LAMA5: variants seen among roughly 807,000 people sequenced by gnomAD.
LAMA5 encodes laminin subunit alpha-5.
A neutral mutation model predicts 433.4 loss-of-function variants in LAMA5; 260 were observed. The ratio of observed to expected loss-of-function variants is 0.60; its 90% CI spans 0.54 to 0.66. The LOEUF is 0.66. LAMA5 is among the 30% of genes least tolerant of loss of function. The pLI is 0.00. For synonymous variants in LAMA5, 2,620 were observed against 2,226.6 expected (o/e 1.18, Z -4.97); for missense variants, 5,378 against 5,258.5 (o/e 1.02, Z -0.70).
chr20:62,319,761 A>G lies in LAMA5; in HGVS notation c.6794T>C (p.Leu2265Pro). The change falls in exon 51 of 80, where the codon CTG becomes CCG. Residue 2265 changes from leucine (L) to proline (P), a missense_variant. Leu to Pro is a moderately conservative substitution (Grantham distance 98). Coordinates refer to ENST00000252999, the MANE Select transcript of LAMA5 (RefSeq NM_005560.6). ...GCCCAGTGTGGCCTCGGTGCCGGCC[A>G]GCAATTGGCTCGCCTGGTCTCGGGT... is the stretch of plus-strand genomic sequence containing the variant. ...VGTRDQASQL[L>P]AGTEATLGHA... The G allele has an allele frequency of 1.9e-6, 3 of 1,548,666 alleles. No homozygotes were observed. Among genetic ancestry groups the G allele is most frequent in the South Asian group, 1.2e-5 (1 of 84,126 alleles).
rs1300004270 is a variant in LAMA5, at chr20:62,310,981, A to T, written c.10202T>A (p.Phe3401Tyr). 4.3e-6 allele frequency: 7 copies of T among 1,611,630 alleles called. No individual in the cohort carries two copies. Among genetic ancestry groups the T allele is most frequent in the Non-Finnish European group, 5.1e-6 (6 of 1,179,528 alleles). The change falls in exon 74 of 80, where the codon TTC (phenylalanine) becomes TAC (tyrosine). Residue 3401 changes from phenylalanine to tyrosine, a missense_variant. Transcript: ENST00000252999. ...SLALFLSNGH[F>Y]VAQMEGLGTR... Reference sequence around the variant, plus strand: ...CCCGAGGCCTTCCATCTGTGCAACGAAGTGGCCATTGCTCAGGAAGAGCGC... The same window carrying T: ...CCCGAGGCCTTCCATCTGTGCAACGTAGTGGCCATTGCTCAGGAAGAGCGC...
Position 62,334,354 on chromosome 20 carries a change from A to G in LAMA5, c.2583-12T>C. 6.3e-7 allele frequency: 1 copy of G among 1,586,916 alleles called. No individual in the cohort carries two copies. Among genetic ancestry groups the G allele is most frequent in the Non-Finnish European group, 8.6e-7 (1 of 1,167,326 alleles). On this transcript the variant is annotated splice_polypyrimidine_tract_variant and intron_variant, in intron 21 of 79. Coordinates refer to ENST00000252999, the MANE Select transcript of LAMA5 (RefSeq NM_005560.6). ...GGTCCCTCGCAGGCCTGGCCACAGC[A>G]GGGGCTGGTCAGGTGCAGCTTGGCC...
At position 62,310,657 on chromosome 20, in the gene LAMA5, G is replaced by T. The variant is rs751420675; in HGVS notation, c.10446+8C>A. 1.2e-6 allele frequency: 2 copies of T among 1,601,332 alleles called. No individual in the cohort carries two copies. The highest frequency in any genetic ancestry group is 1.1e-5 in the South Asian group (1 of 90,074). ...GGGGAGTGGGGGCTGGGGCAAGATG[G>T]TTCTCACCGGAAGTTTGGAGCTGTG... On this transcript the variant is annotated splice_region_variant and intron_variant, in intron 75 of 79. Coordinates refer to ENST00000252999, the MANE Select transcript of LAMA5 (RefSeq NM_005560.6).
In LAMA5 at chr20:62,345,848, C is replaced by T; in HGVS notation, c.1447G>A (p.Glu483Lys). Reference sequence around the variant, plus strand: ...ATCTGGCCGGCTGGCAGCACCTGCTCCCTGGTGTCATTGGAGGACGAGGGC... The same window carrying T: ...ATCTGGCCGGCTGGCAGCACCTGCTTCCTGGTGTCATTGGAGGACGAGGGC... ...PTPSSSNDTR[E>K]QVLPAGQIVN... is the part of the protein sequence containing the mutation. The change falls in exon 11 of 80, where the codon GAG (glutamate) becomes AAG (lysine). Residue 483 changes from glutamate to lysine, a missense_variant. By Grantham distance (56) the Glu-to-Lys change is moderately conservative. Coordinates refer to ENST00000252999, the MANE Select transcript of LAMA5 (RefSeq NM_005560.6). 6.4e-7 allele frequency: 1 copy of T among 1,552,600 alleles called. No homozygotes were observed. Among genetic ancestry groups the T allele is most frequent in the Non-Finnish European group, 8.7e-7 (1 of 1,147,904 alleles).
chr20:62,343,025 C>T (rs1205689980), intron 11 of LAMA5, among the ~76,000 whole-genome samples: 2 of 152,194 alleles, frequency 1.3e-5, no homozygotes, highest in East Asian at 3.8e-4. Flanking sequence ...TGTCAGTTTA[C>T]ACCAGGGATT....
chr20:62,326,531 G>C lies in LAMA5; in HGVS notation c.5298+146C>G, dbSNP rs1979320100. 4.8e-6 allele frequency: 3 copies of C among 630,570 alleles called. No homozygotes were observed. In the Admixed American group the frequency reaches 8.2e-5, roughly 17 times the overall value. The allele number at this position is 630,570 out of a possible 1,614,324, so 39.1% of individuals were successfully genotyped here. On this transcript the variant is annotated intron_variant, in intron 40 of 79. Transcript: ENST00000252999. ...AGAAGATATCTGACAATGGGTGTGG[G>C]GACCTCCCCAGCCCCCACCCCGCTT...
rs767977705 is a variant in LAMA5, at chr20:62,328,843, C to T, written c.4447+1G>A. 3 of 1,611,068 alleles carry T rather than the reference C, an allele frequency of 1.9e-6. No individual in the cohort carries two copies. The highest frequency in any genetic ancestry group is 1.1e-5 in the South Asian group (1 of 90,858). On this transcript the variant is annotated splice_donor_variant, in intron 34 of 79. Coordinates refer to ENST00000252999, the MANE Select transcript of LAMA5 (RefSeq NM_005560.6). LOFTEE classifies it high-confidence loss of function. ...GGGCGCCCAAGGACTGGGGTACTCACGCCTGCAGTTGGGGAAGCCCCAGTA... is the reference window on the plus strand; with the variant it reads ...GGGCGCCCAAGGACTGGGGTACTCATGCCTGCAGTTGGGGAAGCCCCAGTA...
chr20:62,363,429 C>T (rs577572440), intron 1 of LAMA5, among the ~76,000 whole-genome samples: 13 of 152,280 alleles, frequency 8.5e-5, no homozygotes, highest in Admixed American at 3.3e-4. Flanking sequence ...GCTTCTGTCC[C>T]GGGCCTGCCA....
In LAMA5 at chr20:62,322,001, G is replaced by C. The variant is rs577510240; in HGVS notation, c.6496+18C>G. ...CCTACTCCATCAGGTGTGGGGAAGT[G>C]GGGTGTTGAGGACACACCTTCACAG... On this transcript the variant is annotated intron_variant, in intron 48 of 79. Transcript: ENST00000252999. 1 of 1,594,770 alleles carries C rather than the reference G, an allele frequency of 6.3e-7. No individual in the cohort carries two copies. Among genetic ancestry groups the C allele is most frequent in the Middle Eastern group, 1.7e-4 (1 of 6,050 alleles).
At position 62,346,695 on chromosome 20, in the gene LAMA5, C is replaced by T. The variant is rs374364843; in HGVS notation, c.1178G>A (p.Cys393Tyr). ...AGCCCAGCCCACCTGGCAGTCGATA[C>T]AGACACCCCCACCCTGATAGGTGCC... ...LDGTYQGGGV[C>Y]IDCQHHTTGV... Residue 393 changes from cysteine to tyrosine, a missense_variant, in exon 8 of 80, where the codon TGT becomes TAT. Coordinates refer to ENST00000252999, the MANE Select transcript of LAMA5 (RefSeq NM_005560.6). 4 of 1,613,140 alleles carry T rather than the reference C, an allele frequency of 2.5e-6. No homozygotes were observed. In the African/African-American group the frequency reaches 4.0e-5, roughly 16 times the overall value.
intron 2 of LAMA5, among the ~76,000 whole-genome samples, chr20:62,357,582 G>A (rs1218619444): frequency 1.3e-5 from 2 of 152,298 alleles, no homozygotes; most frequent in East Asian, 3.9e-4. Context: ...TCAGGGGTCC[G>A]GAAACGTGCC....
chr20:62,314,922 G>C lies in LAMA5; in HGVS notation c.8073C>G (p.Pro2691=). The C allele has an allele frequency of 1.9e-6, 3 of 1,606,086 alleles. No individual in the cohort carries two copies. Among genetic ancestry groups the C allele is most frequent in the Non-Finnish European group, 2.5e-6 (3 of 1,178,446 alleles). ...GGATGCTCAGCTTGGCCAGCAGCTG[G>C]GGCAGCGTCTTCTCCAGGGTGGACA... ...HSVSTLEKTL[P]QLLAKLSILE... The change falls in exon 60 of 80, where the codon CCC becomes CCG. Residue 2691 remains proline (P), a synonymous_variant. Transcript: ENST00000252999.
chr20:62,352,684 G>A (rs997592895), intron 3 of LAMA5, among the ~76,000 whole-genome samples: 1 of 152,182 alleles, frequency 6.6e-6, no homozygotes, highest in Non-Finnish European at 1.5e-5. Context: ...TGGGGGACAC[G>A]TGACCAGGCC....
At chr20:62,309,593 GGTA>G in intron 79 of LAMA5, 118 bp from the exon 80 acceptor site, 1 of 460,702 alleles carries the variant, frequency 2.2e-6, no homozygotes, top group Non-Finnish European at 3.7e-6. Flanking sequence ...ATAGGAGGGT[GGTA>G]GGGGGGTGGG....
In LAMA5 at chr20:62,312,058, C is replaced by T. The variant is rs947901951; in HGVS notation, c.9505-8G>A. ...CACCTGGCATAGCCCATCCTGGGGA[C>T]GGCAGCCAGGTCAGCCGGCCGGCCT... On this transcript the variant is annotated splice_polypyrimidine_tract_variant and splice_region_variant and intron_variant, in intron 69 of 79. Coordinates refer to ENST00000252999, the MANE Select transcript of LAMA5 (RefSeq NM_005560.6). 8 of 1,610,558 alleles carry T rather than the reference C, an allele frequency of 5.0e-6. No individual in the cohort carries two copies. The African/African-American group carries it at 5.3e-5, about 11-fold the overall frequency.
chr20:62,309,618 A>G lies in LAMA5; in HGVS notation c.10948+98T>C, dbSNP rs1224446493. 33 of 351,596 alleles carry G rather than the reference A, an allele frequency of 9.4e-5. 2 individuals are homozygous for G. In the Admixed American group the frequency reaches 1.2e-3, roughly 13 times the overall value. 21.8% of individuals were successfully genotyped at this position (351,596 alleles called of 1,614,324 possible). A position where few individuals can be genotyped will look rare whatever the true frequency, so the allele number is the denominator to read the frequency against. ...GGTAGGGGGGTGGGAGGAGGGTGGGAGGGGGCAGGGGGTGGAGGGGTGGGG... is the reference window on the plus strand; with the variant it reads ...GGTAGGGGGGTGGGAGGAGGGTGGGGGGGGGCAGGGGGTGGAGGGGTGGGG... On this transcript the variant is annotated intron_variant, in intron 79 of 79. Transcript: ENST00000252999.
At position 62,329,929 on chromosome 20, in the gene LAMA5, G is replaced by A. The variant is rs1447148564; in HGVS notation, c.3980-13C>T. The A allele has an allele frequency of 2.5e-6, 4 of 1,609,310 alleles. No individual in the cohort carries two copies. The highest frequency in any genetic ancestry group is 2.7e-5 in the African/African-American group (2 of 75,002). On this transcript the variant is annotated splice_polypyrimidine_tract_variant and intron_variant, in intron 31 of 79. Coordinates refer to ENST00000252999, the MANE Select transcript of LAMA5 (RefSeq NM_005560.6). ...GCGTTGGCGTGGCCTGGGCGGGGGA[G>A]AAAGGCAGGGTCAGGCCCCCATCTC...
intron 11 of LAMA5, among the ~76,000 whole-genome samples, chr20:62,343,836 A>C (rs570804879): frequency 6.6e-6 from 1 of 151,042 alleles, no homozygotes; most frequent in Admixed American, 6.6e-5. Context: ...GAGTAGTCAA[A>C]GTGCAGCTAA....
At position 62,318,879 on chromosome 20, in the gene LAMA5, C is replaced by T. The variant is rs139309118; in HGVS notation, c.7006G>A (p.Ala2336Thr). ...MRARDLGAPQ[A>T]AAEAELAAAQ... Reference sequence around the variant, plus strand: ...GCAGCCAACTCAGCCTCAGCTGCTGCCTGCGGGGCCCCCAGGTCCCGGGCC... The same window carrying T: ...GCAGCCAACTCAGCCTCAGCTGCTGTCTGCGGGGCCCCCAGGTCCCGGGCC... The change falls in exon 52 of 80, where the codon GCA becomes ACA. Residue 2336 changes from alanine to threonine, a missense_variant. Coordinates refer to ENST00000252999, the MANE Select transcript of LAMA5 (RefSeq NM_005560.6). The T allele has an allele frequency of 2.5e-6, 4 of 1,609,194 alleles. No individual in the cohort carries two copies. The highest frequency in any genetic ancestry group is 3.4e-6 in the Non-Finnish European group (4 of 1,179,154).
Sources: allele counts gnomAD v4.1 joint callset (sites outside exome capture counted in the v4.1 genomes callset), GRCh38; gene constraint gnomAD v4.1.1; transcripts MANE v1.5; gene names NCBI Gene and HGNC (gene_info 2026-07-23, HGNC 2026-07-21).